The following SHANK2 variants were observed in gnomAD, a reference collection of about 807,000 sequenced individuals.
The protein encoded by SHANK2 is SH3 and multiple ankyrin repeat domains 2, also known as SH3 and multiple ankyrin repeat domains protein 2.
SHANK2 carries 43 observed loss-of-function variants against 133.7 expected under a neutral mutation model. That is an observed-to-expected ratio of 0.32 (90% CI 0.25 to 0.41). The LOEUF (loss-of-function observed/expected upper bound fraction) is 0.41, where lower values mean the gene tolerates loss of function less well. SHANK2 is among the 10% of genes least tolerant of loss of function. The pLI is 1.00. For synonymous variants in SHANK2, 1,017 were observed against 952.8 expected (o/e 1.07, Z -1.24); for missense variants, 1,994 against 2,235.8 (o/e 0.89, Z 2.18).
chr11:70,610,240 A>G (rs2060641371), intron 17 of SHANK2, among the ~76,000 whole-genome samples: 1 of 152,114 alleles, frequency 6.6e-6, no homozygotes, highest in Non-Finnish European at 1.5e-5. Flanking sequence ...TATGGGACCA[A>G]TGGGAGCTTT....
intron 17 of SHANK2, among the ~76,000 whole-genome samples, chr11:70,651,612 G>A (rs1352173620): frequency 6.6e-6 from 1 of 152,186 alleles, no homozygotes; most frequent in Non-Finnish European, 1.5e-5. Flanking sequence ...GGCCCCCAAT[G>A]CTATTACCCT....
chr11:70,762,574 A>G (rs1221106253), intron 14 of SHANK2, among the ~76,000 whole-genome samples: 2 of 152,128 alleles, frequency 1.3e-5, no homozygotes, highest in Non-Finnish European at 2.9e-5. Context: ...GTCTAAGCCC[A>G]GCCACTGGAT....
intron 17 of SHANK2, among the ~76,000 whole-genome samples, chr11:70,615,676 G>A (rs1007092909): frequency 2.0e-5 from 3 of 152,178 alleles, no homozygotes; most frequent in African/African-American, 4.8e-5. Flanking sequence ...CTCGCTGTGT[G>A]GGCGGCTGGC....
At chr11:70,583,415 C>A (rs945803262) in intron 17 of SHANK2, among the ~76,000 whole-genome samples, 2 of 152,136 alleles carry the variant, frequency 1.3e-5, no homozygotes, top group Non-Finnish European at 2.9e-5. Flanking sequence ...ATCTTCGGGG[C>A]TGTGGCACAG....
chr11:70,569,216 C>T lies in SHANK2; in HGVS notation c.2062-66285G>A, dbSNP rs565998832. ...CAATCGGACTGAGGACAGTCCCAAA[C>T]CCCCGGGCCATCCCGAGCCTAAGTG... On this transcript the variant is annotated intron_variant, in intron 17 of 25. Transcript: ENST00000601538. The surrounding 1 kb of genome is among the most constrained non-coding windows in gnomAD (Gnocchi z 5.1). Among the ~76,000 whole-genome samples the T allele has an allele frequency of 1.3e-5, 2 of 152,206 alleles. No homozygotes were observed. Among genetic ancestry groups the T allele is most frequent in the Non-Finnish European group, 2.9e-5 (2 of 68,042 alleles).
intron 2 of SHANK2, among the ~76,000 whole-genome samples, chr11:71,206,604 T>C (rs912711666): frequency 1.1e-4 from 17 of 152,086 alleles, no homozygotes; most frequent in Admixed American, 9.8e-4. Context: ...AAAAACTAGC[T>C]TGCTACCTCA....
intron 17 of SHANK2, among the ~76,000 whole-genome samples, chr11:70,640,704 TC>T (rs1463614385): frequency 1.3e-5 from 2 of 152,220 alleles, no homozygotes; most frequent in Non-Finnish European, 2.9e-5. Flanking sequence ...TCAGGATCCC[TC>T]CCTGTCTCCC....
chr11:70,825,587 A>G (rs1555057033), intron 11 of SHANK2, among the ~76,000 whole-genome samples: 2 of 152,234 alleles, frequency 1.3e-5, no homozygotes, highest in African/African-American at 4.8e-5. Context: ...ACCTCGCGTA[A>G]TTACCAAGAT....
At chr11:70,679,815 C>T (rs1055438803) in intron 15 of SHANK2, among the ~76,000 whole-genome samples, 4 of 152,230 alleles carry the variant, frequency 2.6e-5, no homozygotes, top group Admixed American at 1.3e-4. Flanking sequence ...GGAGTGACAA[C>T]TAGAACCGGT....
At chr11:71,109,209 T>C (rs1469251831) in intron 6 of SHANK2, among the ~76,000 whole-genome samples, 2 of 152,018 alleles carry the variant, frequency 1.3e-5, no homozygotes, top group Non-Finnish European at 2.9e-5. Context: ...TCCACCCCTC[T>C]TGGTTCTCCA....
intron 15 of SHANK2, among the ~76,000 whole-genome samples, chr11:70,674,463 C>G (rs193271109): frequency 6.6e-6 from 1 of 152,252 alleles, no homozygotes; most frequent in East Asian, 1.9e-4. Flanking sequence ...ATTCTCTGAC[C>G]TCAGCCTCCC....
intron 2 of SHANK2, among the ~76,000 whole-genome samples, chr11:71,207,586 T>C (rs1248289497): frequency 6.6e-6 from 1 of 152,212 alleles, no homozygotes; most frequent in Non-Finnish European, 1.5e-5. Context: ...CCCTTCTTCT[T>C]TCCAAGAAAA....
At chr11:71,109,200 C>A (rs1951849940) in intron 6 of SHANK2, among the ~76,000 whole-genome samples, 1 of 152,064 alleles carries the variant, frequency 6.6e-6, no homozygotes, top group Non-Finnish European at 1.5e-5. Flanking sequence ...ACCCTCACCT[C>A]CACCCCTCTT....
At chr11:70,873,744 T>A (rs1215324481) in intron 11 of SHANK2, among the ~76,000 whole-genome samples, 14 of 146,228 alleles carry the variant, frequency 9.6e-5, no homozygotes, top group Admixed American at 4.6e-4. Flanking sequence ...ATTTACCATT[T>A]TTTTTTTTTT....
chr11:70,941,231 C>T (rs1555084359), intron 10 of SHANK2, among the ~76,000 whole-genome samples: 1 of 152,156 alleles, frequency 6.6e-6, no homozygotes, highest in Non-Finnish European at 1.5e-5. Flanking sequence ...CTCTCCCCTC[C>T]CCTGAGTTCT....
chr11:70,729,391 T>C (rs1946237008), intron 14 of SHANK2, among the ~76,000 whole-genome samples: 1 of 151,686 alleles, frequency 6.6e-6, no homozygotes, highest in African/African-American at 2.4e-5. Flanking sequence ...CTGGGGGAAA[T>C]AGGGAGGAAG....
chr11:71,200,317 T>C (rs1953992209), intron 2 of SHANK2, among the ~76,000 whole-genome samples: 1 of 152,252 alleles, frequency 6.6e-6, no homozygotes, highest in African/African-American at 2.4e-5. Context: ...TCAGGCCAAG[T>C]CACATCCCAT....
At chr11:70,645,422 A>T (rs782334221) in intron 17 of SHANK2, among the ~76,000 whole-genome samples, 30 of 152,064 alleles carry the variant, frequency 2.0e-4, no homozygotes, top group Non-Finnish European at 3.8e-4. Context: ...CAACAACAAA[A>T]ACAAAAAACA....
chr11:70,898,599 CTG>C, intron 10 of SHANK2, among the ~76,000 whole-genome samples: 1 of 152,248 alleles, frequency 6.6e-6, no homozygotes, highest in Middle Eastern at 3.4e-3. Context: ...GGAAGGTAGA[CTG>C]TGTGAGCGAT....
Sources: allele counts gnomAD v4.1 joint callset (sites outside exome capture counted in the v4.1 genomes callset), GRCh38; gene constraint gnomAD v4.1.1; non-coding constraint Gnocchi (gnomAD v3.1); transcripts MANE v1.5; gene names NCBI Gene and HGNC (gene_info 2026-07-23, HGNC 2026-07-21).